The following ACAD9 variants were observed in gnomAD, a reference collection of about 807,000 sequenced individuals.
ACAD9 encodes complex I assembly factor ACAD9, mitochondrial.
ACAD9 carries 53 observed loss-of-function variants against 70.2 expected under a neutral mutation model. That is an observed-to-expected ratio of 0.75 (90% CI 0.61 to 0.95). The LOEUF (loss-of-function observed/expected upper bound fraction) is 0.95, where lower values mean the gene tolerates loss of function less well. Ranked by LOEUF, ACAD9 falls within the 40% of genes least tolerant of loss-of-function variation. The pLI, the probability that ACAD9 is intolerant of heterozygous loss-of-function variation, is 0.00. For missense variants in ACAD9, 777 were observed against 802.8 expected, an observed-to-expected ratio of 0.97 and a Z score of 0.39; for synonymous variants, 313 against 312.1, an observed-to-expected ratio of 1.00 and a Z score of -0.03.
chr3:128,892,369 C>A (rs1576335603), intron 2 of ACAD9, among the ~76,000 whole-genome samples: 1 of 152,240 alleles, frequency 6.6e-6, no homozygotes, highest in Admixed American at 6.5e-5. Flanking sequence ...CCCATGTATA[C>A]AAAAATTCTT....
At chr3:128,896,581 G>C in intron 5 of ACAD9, 45 bp downstream of exon 5, 1 of 1,598,946 alleles carries the variant, frequency 6.3e-7, no homozygotes, top group Non-Finnish European at 8.6e-7. Flanking sequence ...CTGTGATGTT[G>C]CCCAAGATTC....
intron 7 of ACAD9, 47 bp from the exon 8 acceptor site, chr3:128,901,229 G>C (rs1206371619): frequency 3.2e-6 from 5 of 1,556,286 alleles, no homozygotes; most frequent in Non-Finnish European, 4.4e-6. Context: ...GTCAGATGCA[G>C]AGTGGTTTGC....
chr3:128,909,084 G>A lies in ACAD9; in HGVS notation c.1470G>A (p.Val490=). Residue 490 remains valine, a synonymous_variant, in exon 14 of 18, where the codon GTG becomes GTA. Coordinates refer to ENST00000308982, the MANE Select transcript of ACAD9 (RefSeq NM_014049.5). ...GGCTGACAGGCAACCATGGAGTTGTGCACCCCAGTCTTGCGGTGAGTGGGC... is the reference window on the plus strand; with the variant it reads ...GGCTGACAGGCAACCATGGAGTTGTACACCCCAGTCTTGCGGTGAGTGGGC... ...DLGLTGNHGV[V]HPSLADSANK... The A allele has an allele frequency of 1.9e-6, 3 of 1,614,050 alleles. No homozygotes were observed. Among genetic ancestry groups the A allele is most frequent in the East Asian group, 2.2e-5 (1 of 44,880 alleles).
intron 6 of ACAD9, among the ~76,000 whole-genome samples, chr3:128,898,099 T>C (rs894163855): frequency 2.0e-5 from 3 of 152,164 alleles, no homozygotes; most frequent in African/African-American, 7.2e-5. Context: ...TCAAGTGATC[T>C]GCCCACCTCG....
intron 15 of ACAD9, 106 bp from the exon 16 acceptor site, chr3:128,909,915 C>T (rs1936075442): frequency 6.6e-7 from 1 of 1,512,414 alleles, no homozygotes; most frequent in Non-Finnish European, 9.0e-7. Flanking sequence ...TCCACTTTCT[C>T]AAGGAACACA....
intron 5 of ACAD9, among the ~76,000 whole-genome samples, chr3:128,897,295 C>T (rs113585764): frequency 3.0e-4 from 45 of 152,204 alleles, no homozygotes; most frequent in African/African-American, 1.0e-3. Context: ...GATTCTTCTG[C>T]CTCAGCCTCC....
At chr3:128,880,043 C>A in intron 1 of ACAD9, 1 of 1,531,952 alleles carries the variant, frequency 6.5e-7, no homozygotes, top group Middle Eastern at 1.7e-4. Context: ...GACGGGGGAC[C>A]CTTGGAAATG....
intron 3 of ACAD9, among the ~76,000 whole-genome samples, chr3:128,894,222 T>C (rs929750561): frequency 2.6e-5 from 4 of 152,212 alleles, no homozygotes; most frequent in South Asian, 2.1e-4. Context: ...AGGATGCTGC[T>C]AAGCATCTGA....
chr3:128,899,522 CGGTGTGTGTGTG>C (rs1372234972), intron 7 of ACAD9, 61 bp downstream of exon 7: 2 of 1,146,296 alleles, frequency 1.7e-6, no homozygotes, highest in African/African-American at 2.3e-5. Context: ...TGGCCTTTGA[CGGTGTGTGTGTG>C]TGTGTGTGTG....
At chr3:128,903,963 G>A (rs1935816195) in intron 9 of ACAD9, 99 bp from the exon 10 acceptor site, 20 of 1,286,750 alleles carry the variant, frequency 1.6e-5, no homozygotes, top group Non-Finnish European at 2.1e-5. Flanking sequence ...GCTTCTCACA[G>A]TGCCCACCTG....
chr3:128,904,608 G>A (rs1005573332), intron 11 of ACAD9, 103 bp downstream of exon 11: 21 of 1,522,150 alleles, frequency 1.4e-5, no homozygotes, highest in Non-Finnish European at 1.6e-5. Context: ...TCTTCCTCCT[G>A]TCATTGATCC....
chr3:128,895,797 G>T (rs533874173), intron 4 of ACAD9, among the ~76,000 whole-genome samples: 1 of 152,306 alleles, frequency 6.6e-6, no homozygotes, highest in Admixed American at 6.5e-5. Flanking sequence ...ACTGGGCTTG[G>T]AGCACCTTAG....
At chr3:128,885,454 C>G (rs1935217571) in intron 2 of ACAD9, among the ~76,000 whole-genome samples, 1 of 152,032 alleles carries the variant, frequency 6.6e-6, no homozygotes, top group Non-Finnish European at 1.5e-5. Flanking sequence ...TGTGGTGGTA[C>G]CATCTCATCT....
rs145788844 is a variant in ACAD9 at position 128,911,654 on chromosome 3, C to G, written c.1765+841C>G. Reference sequence around the variant, plus strand: ...ACAGGGTTTCACCATGTTGGCCAAGCTGGTCTCCAACCCCTGACCTCAGGT... The same window carrying G: ...ACAGGGTTTCACCATGTTGGCCAAGGTGGTCTCCAACCCCTGACCTCAGGT... On this transcript the variant is annotated intron_variant, in intron 17 of 17. Transcript: ENST00000308982. Among the ~76,000 whole-genome samples the G allele has an allele frequency of 8.3e-3, 1,263 of 151,880 alleles. 20 individuals are homozygous for G. The highest frequency in any genetic ancestry group is 0.029 in the African/African-American group (1,191 of 41,524).
At chr3:128,891,370 C>T (rs369255896) in intron 2 of ACAD9, among the ~76,000 whole-genome samples, 1 of 152,090 alleles carries the variant, frequency 6.6e-6, no homozygotes, top group East Asian at 1.9e-4. Flanking sequence ...CCCGTAATGC[C>T]AGCATTTAGG....
intron 2 of ACAD9, among the ~76,000 whole-genome samples, chr3:128,892,992 C>T (rs1187680789): frequency 6.6e-6 from 1 of 152,084 alleles, no homozygotes; most frequent in Non-Finnish European, 1.5e-5. Flanking sequence ...AGCAAAAGCA[C>T]CCCTGTGACT....
chr3:128,911,050 T>A lies in ACAD9; in HGVS notation c.1765+237T>A, dbSNP rs142206110. On this transcript the variant is annotated intron_variant, in intron 17 of 17. Transcript: ENST00000308982. ...GTATGTATATATGTGTGTGTGTGTA[T>A]GTATGTATGTATGTATTTATTTCGA... 4.9e-3 allele frequency among the ~76,000 whole-genome samples: 742 copies of A among 152,052 alleles called. 8 individuals carry two copies. Among genetic ancestry groups the A allele is most frequent in the African/African-American group, 0.017 (706 of 41,420 alleles).
chr3:128,909,401 C>G lies in ACAD9; in HGVS notation c.1543C>G (p.Leu515Val). ...TYCFGRTVET[L>V]LLRFGKTIME... ...CTGCTTCGGCCGGACCGTGGAGACA[C>G]TGCTGCTCCGCTTTGGCAAGGTAAC... The change falls in exon 15 of 18, where the codon CTG becomes GTG. Residue 515 changes from leucine to valine, a missense_variant. Physicochemically the swap from Leu to Val is conservative, Grantham distance 32 (BLOSUM62 1). Transcript: ENST00000308982. The G allele has an allele frequency of 6.2e-7, 1 of 1,614,168 alleles. No homozygotes were observed. Among genetic ancestry groups the G allele is most frequent in the Non-Finnish European group, 8.5e-7 (1 of 1,180,046 alleles).
At chr3:128,911,247 A>C (rs768980328) in intron 17 of ACAD9, among the ~76,000 whole-genome samples, 4 of 152,072 alleles carry the variant, frequency 2.6e-5, no homozygotes, top group African/African-American at 9.7e-5. Context: ...TAGTAGAAAC[A>C]GGGTTTCACC....
Sources: gnomAD v4.1 joint callset for allele counts (sites outside exome capture counted in the v4.1 genomes callset) on GRCh38, gnomAD v4.1.1 for gene constraint, MANE v1.5 for transcripts, NCBI Gene and HGNC (gene_info 2026-07-23, HGNC 2026-07-21) for gene names.